Variants in GPHN observed in about 807,000 individuals in gnomAD.
The protein encoded by GPHN is gephyrin.
A neutral mutation model predicts 95.5 loss-of-function variants in GPHN; 17 were observed. That is an observed-to-expected ratio of 0.18 (90% CI 0.12 to 0.27). The LOEUF is 0.27. Among genes scored for constraint, GPHN ranks in the 10% least tolerant of loss-of-function variants. The pLI, the probability that GPHN is intolerant of heterozygous loss-of-function variation, is 1.00. For synonymous variants in GPHN, 320 were observed against 322.5 expected, an observed-to-expected ratio of 0.99 and a Z score of 0.08; for missense variants, 660 against 978.1, an observed-to-expected ratio of 0.67 and a Z score of 4.34.
chr14:67,385,245 C>T, the GPHN span: 1 of 152,024 alleles, frequency 6.6e-6, no homozygotes, highest in Non-Finnish European at 1.5e-5. Context: ...AGGTATACAC[C>T]CAGTTCTGAA....
the GPHN span, among the ~76,000 whole-genome samples, chr14:67,373,348 GAA>G: frequency 6.6e-6 from 1 of 152,108 alleles, no homozygotes; most frequent in African/African-American, 2.4e-5. Flanking sequence ...TAATGAAAAA[GAA>G]TGCTCAGAAT....
intron 10 of GPHN, among the ~76,000 whole-genome samples, chr14:67,048,776 G>A (rs1409030532): frequency 6.6e-6 from 1 of 152,144 alleles, no homozygotes; most frequent in East Asian, 1.9e-4. Flanking sequence ...GTATTCTCTT[G>A]AATGCTATGA....
At chr14:67,396,071 A>G in the GPHN span, among the ~76,000 whole-genome samples, 6 of 152,174 alleles carry the variant, frequency 3.9e-5, no homozygotes, top group Non-Finnish European at 8.8e-5. Context: ...CTAAGCATCA[A>G]GTCTTTCACA....
chr14:66,554,585 G>A lies in GPHN; in HGVS notation c.64+45994G>A, dbSNP rs112500292. Among the ~76,000 whole-genome samples, 565 of 152,184 alleles carry A rather than the reference G, an allele frequency of 3.7e-3. 11 individuals are homozygous for A. Among genetic ancestry groups the A allele is most frequent in the African/African-American group, 0.013 (528 of 41,514 alleles). On this transcript the variant is annotated intron_variant, in intron 1 of 22. Transcript: ENST00000478722. ...CATCAGATCTCATAAGAATTCATTC[G>A]CTATCACAAGTACAGCATGGAGGAA...
rs549131415 is a variant in GPHN at position 66,585,706 on chromosome 14, A to G, written c.64+77115A>G. ...CCATGTAGTTGAGCAGTTTTGAGTG[A>G]GGTTCTTAATCCTGAGTTCTAGTTT... On this transcript the variant is annotated intron_variant, in intron 1 of 22. Transcript: ENST00000478722. Among the ~76,000 whole-genome samples, 12 of 152,208 alleles carry G rather than the reference A, an allele frequency of 7.9e-5. No homozygotes were observed. In the South Asian group the frequency reaches 1.5e-3, roughly 18 times the overall value.
intron 9 of GPHN, among the ~76,000 whole-genome samples, chr14:67,001,529 A>G (rs893138591): frequency 2.0e-5 from 3 of 151,508 alleles, no homozygotes; most frequent in Admixed American, 6.6e-5. Context: ...ATGTTCTTAA[A>G]GTTTCCCTGC....
chr14:67,583,842 C>T, the GPHN span: 2 of 1,613,360 alleles, frequency 1.2e-6, no homozygotes, highest in African/African-American at 1.3e-5. Context: ...ACAGGTTCCA[C>T]CCCAGGCGCT....
chr14:66,866,323 A>G (rs1418583084), intron 4 of GPHN, among the ~76,000 whole-genome samples: 2 of 152,158 alleles, frequency 1.3e-5, no homozygotes, highest in African/African-American at 4.8e-5. Flanking sequence ...TAACGAATAC[A>G]TACATATTCC....
intron 11 of GPHN, among the ~76,000 whole-genome samples, chr14:67,077,519 A>G (rs753739820): frequency 2.6e-5 from 4 of 152,206 alleles, no homozygotes; most frequent in Non-Finnish European, 4.4e-5. Flanking sequence ...CAAATTAACT[A>G]TTAATTTTCC....
intron 9 of GPHN, among the ~76,000 whole-genome samples, chr14:66,998,058 T>C (rs1158465322): frequency 6.6e-6 from 1 of 152,174 alleles, no homozygotes; most frequent in African/African-American, 2.4e-5. Context: ...AATCACAGCC[T>C]ACAGCATCCA....
intron 5 of GPHN, among the ~76,000 whole-genome samples, chr14:66,906,305 T>C (rs2065377927): frequency 6.6e-6 from 1 of 152,126 alleles, no homozygotes; most frequent in African/African-American, 2.4e-5. Context: ...CTGCCTATCC[T>C]CAGGTATATT....
chr14:66,544,766 T>C (rs997651409), intron 1 of GPHN, among the ~76,000 whole-genome samples: 4 of 151,870 alleles, frequency 2.6e-5, no homozygotes, highest in African/African-American at 9.7e-5. Flanking sequence ...CCTGGGTACT[T>C]GAGATTAGGG....
At chr14:67,365,109 C>G in the GPHN span, 5 of 1,243,064 alleles carry the variant, frequency 4.0e-6, no homozygotes, top group Non-Finnish European at 5.4e-6. Context: ...AAAAAAAAAG[C>G]TCCTTTTATA....
the GPHN span, among the ~76,000 whole-genome samples, chr14:67,520,526 T>C: frequency 6.6e-6 from 1 of 152,292 alleles, no homozygotes; most frequent in Non-Finnish European, 1.5e-5. Context: ...TTATTTCTTT[T>C]CAGCATTGAA....
At chr14:66,592,700 G>A (rs572151641) in intron 1 of GPHN, among the ~76,000 whole-genome samples, 50 of 152,304 alleles carry the variant, frequency 3.3e-4, no homozygotes, top group African/African-American at 1.2e-3. Flanking sequence ...TACACTGTTG[G>A]TCAGAGTGTG....
the GPHN span, among the ~76,000 whole-genome samples, chr14:67,601,797 G>T: frequency 1.3e-5 from 2 of 151,956 alleles, no homozygotes; most frequent in Non-Finnish European, 2.9e-5. Context: ...AGCTGTTCGG[G>T]TGGCTGAGGC....
the GPHN span, among the ~76,000 whole-genome samples, chr14:67,681,930 GATTA>G: frequency 6.6e-5 from 10 of 152,242 alleles, no homozygotes; most frequent in Non-Finnish European, 1.5e-4. Flanking sequence ...TTCATGAACA[GATTA>G]ATTAATAAAA....
At chr14:66,893,303 G>T (rs1467461186) in intron 5 of GPHN, among the ~76,000 whole-genome samples, 1 of 152,098 alleles carries the variant, frequency 6.6e-6, no homozygotes, top group Non-Finnish European at 1.5e-5. Context: ...CATCTCACTG[G>T]GGCTCATCGG....
At chr14:67,266,410 C>T in the GPHN span, among the ~76,000 whole-genome samples, 2 of 152,146 alleles carry the variant, frequency 1.3e-5, no homozygotes, top group Admixed American at 6.5e-5. Context: ...ACTGCAGCCT[C>T]TGCCTCCTGG....
Sources: gnomAD v4.1 joint callset for allele counts (sites outside exome capture counted in the v4.1 genomes callset) on GRCh38, gnomAD v4.1.1 for gene constraint, MANE v1.5 for transcripts, NCBI Gene and HGNC (gene_info 2026-07-23, HGNC 2026-07-21) for gene names.